Variants in GPR89A observed in about 807,000 individuals in gnomAD.
GPR89A encodes the protein golgi pH regulator A.
GPR89A carries 16 observed loss-of-function variants against 52.0 expected under a neutral mutation model. The ratio of observed to expected loss-of-function variants is 0.31; its 90% CI spans 0.21 to 0.47. GPR89A has a LOEUF of 0.47. Among genes scored for constraint, GPR89A ranks in the 20% least tolerant of loss-of-function variants. The probability of loss-of-function intolerance (pLI) is 1.00; values close to 1 mark genes in which losing one functional copy is unlikely to be tolerated. For synonymous variants in GPR89A, 55 were observed against 150.9 expected (o/e 0.36, Z 4.66); for missense variants, 135 against 449.4 (o/e 0.30, Z 6.33).
At position 145,657,358 on chromosome 1, in the gene GPR89A, T is replaced by G. The variant is rs1651877321; in HGVS notation, c.910-5971T>G. Among the ~76,000 whole-genome samples the G allele has an allele frequency of 1.4e-5, 2 of 147,406 alleles. 1 individual carries two copies. On this transcript the variant is annotated intron_variant, in intron 10 of 13. Coordinates refer to ENST00000313835, the MANE Select transcript of GPR89A (RefSeq NM_001097612.2). ...GTGAGCTATTATCACACCGCTGCACTCCAGCTTGAATGACAGAGGGAGACT... is the reference window on the plus strand; with the variant it reads ...GTGAGCTATTATCACACCGCTGCACGCCAGCTTGAATGACAGAGGGAGACT...
intron 1 of GPR89A, among the ~76,000 whole-genome samples, chr1:145,610,294 A>G (rs146535695): frequency 1.9e-3 from 290 of 152,156 alleles, no homozygotes; most frequent in Non-Finnish European, 3.2e-3. Flanking sequence ...CACGTATTCA[A>G]TCTTGCTCAC....
intron 1 of GPR89A, among the ~76,000 whole-genome samples, chr1:145,612,852 T>C (rs1193759810): frequency 3.3e-5 from 5 of 151,728 alleles, no homozygotes; most frequent in Non-Finnish European, 4.4e-5. Flanking sequence ...TTTTTCTCAT[T>C]CCTGGCTCTC....
At chr1:145,615,863 G>A (rs1360644998) in intron 1 of GPR89A, among the ~76,000 whole-genome samples, 2 of 152,068 alleles carry the variant, frequency 1.3e-5, no homozygotes, top group African/African-American at 4.8e-5. Flanking sequence ...CAGGTGATCT[G>A]CCCACCTTGT....
intron 1 of GPR89A, among the ~76,000 whole-genome samples, chr1:145,615,986 A>G (rs1373667917): frequency 6.6e-6 from 1 of 151,314 alleles, no homozygotes; most frequent in African/African-American, 2.4e-5. Context: ...TTATGGCAAA[A>G]TATGTACTTC....
At position 145,621,658 on chromosome 1, in the gene GPR89A, A is replaced by C. The variant is rs1352611572; in HGVS notation, c.207-1396A>C. Among the ~76,000 whole-genome samples the C allele has an allele frequency of 9.2e-5, 14 of 151,476 alleles. No individual in the cohort carries two copies. In the East Asian group the frequency reaches 2.5e-3, roughly 27 times the overall value. ...AACCAACATTCCAAAAACAAGAGAA[A>C]ATTTTTATAAATTACCTATCTGATA... On this transcript the variant is annotated intron_variant, in intron 3 of 13. Coordinates refer to ENST00000313835, the MANE Select transcript of GPR89A (RefSeq NM_001097612.2).
intron 12 of GPR89A, among the ~76,000 whole-genome samples, 183 bp downstream of exon 12, chr1:145,665,834 A>C (rs1652516830): frequency 6.9e-6 from 1 of 145,804 alleles, no homozygotes; most frequent in African/African-American, 2.5e-5. Flanking sequence ...CTCTACTAAA[A>C]ATACAACAAA....
chr1:145,639,617 T>G (rs1179898283), intron 7 of GPR89A, among the ~76,000 whole-genome samples: 1 of 151,244 alleles, frequency 6.6e-6, no homozygotes, highest in Non-Finnish European at 1.5e-5. Context: ...CATGGTGGCA[T>G]GCGCCTGTAG....
chr1:145,667,043 C>T (rs1359807693), intron 12 of GPR89A, among the ~76,000 whole-genome samples: 2 of 152,140 alleles, frequency 1.3e-5, no homozygotes, highest in East Asian at 3.9e-4. Context: ...ATGCAATAAA[C>T]ATACGTGTGC....
intron 7 of GPR89A, among the ~76,000 whole-genome samples, chr1:145,635,849 C>T (rs1553690631): frequency 6.6e-6 from 1 of 152,144 alleles, no homozygotes; most frequent in African/African-American, 2.4e-5. Context: ...ATCCCAGCTA[C>T]TTGGGAGGCT....
At chr1:145,636,656 C>G (rs1650258868) in intron 7 of GPR89A, among the ~76,000 whole-genome samples, 1 of 152,076 alleles carries the variant, frequency 6.6e-6, no homozygotes, top group Non-Finnish European at 1.5e-5. Flanking sequence ...CACAGCCATT[C>G]TCAATAGAGG....
At chr1:145,624,531 T>C (rs1409019525) in intron 5 of GPR89A, among the ~76,000 whole-genome samples, 1 of 151,092 alleles carries the variant, frequency 6.6e-6, no homozygotes, top group Admixed American at 6.6e-5. Flanking sequence ...TATATATACC[T>C]CTTTATTCAC....
chr1:145,647,054 T>C, intron 9 of GPR89A, 121 bp from the exon 10 acceptor site: 1 of 1,473,544 alleles, frequency 6.8e-7, no homozygotes, highest in South Asian at 1.3e-5. Context: ...TAGTTTAATA[T>C]TATTACAATG....
chr1:145,616,175 C>A, intron 1 of GPR89A, 59 bp from the exon 2 acceptor site: 1 of 1,250,246 alleles, frequency 8.0e-7, no homozygotes. Flanking sequence ...AAAAGAGTTT[C>A]TATAAAACAT....
intron 10 of GPR89A, among the ~76,000 whole-genome samples, chr1:145,654,356 A>T (rs1553694141): frequency 6.6e-6 from 1 of 151,846 alleles, no homozygotes; most frequent in Non-Finnish European, 1.5e-5. Context: ...GATCGAGACC[A>T]TCCTGGCTAA....
chr1:145,613,537 C>T (rs1415384852), intron 1 of GPR89A, among the ~76,000 whole-genome samples: 1 of 152,122 alleles, frequency 6.6e-6, no homozygotes, highest in Non-Finnish European at 1.5e-5. Context: ...TCATCACCTA[C>T]AGACTATAAT....
chr1:145,621,110 G>A lies in GPR89A; in HGVS notation c.207-1944G>A, dbSNP rs1373900528. 2.6e-5 allele frequency among the ~76,000 whole-genome samples: 4 copies of A among 151,850 alleles called. No homozygotes were observed. In the East Asian group the frequency reaches 7.7e-4, roughly 29 times the overall value. On this transcript the variant is annotated intron_variant, in intron 3 of 13. Transcript: ENST00000313835. The stretch of plus-strand genomic sequence containing the variant: ...CCTGTAGGGTAGCTTTTACTGAATG[G>A]CTCTTTGTTTCGTGATGCCTGCCAT...
chr1:145,614,002 G>C (rs1648488850), intron 1 of GPR89A, among the ~76,000 whole-genome samples: 1 of 152,070 alleles, frequency 6.6e-6, no homozygotes, highest in Non-Finnish European at 1.5e-5. Context: ...GCCCAAGCTG[G>C]TCTCGAACTC....
chr1:145,609,720 T>C (rs1648116908), intron 1 of GPR89A, among the ~76,000 whole-genome samples: 1 of 152,266 alleles, frequency 6.6e-6, no homozygotes, highest in African/African-American at 2.4e-5. Context: ...AGTGGCTTTC[T>C]AATTTTGTAT....
intron 10 of GPR89A, 141 bp downstream of exon 10, chr1:145,647,408 T>G: frequency 8.9e-7 from 1 of 1,129,652 alleles, no homozygotes; most frequent in Non-Finnish European, 1.2e-6. Flanking sequence ...TCCACATCTC[T>G]GGGCTTCATT....
Sources: gnomAD v4.1 joint callset for allele counts (sites outside exome capture counted in the v4.1 genomes callset) on GRCh38, gnomAD v4.1.1 for gene constraint, MANE v1.5 for transcripts, NCBI Gene and HGNC (gene_info 2026-07-23, HGNC 2026-07-21) for gene names.